SLC14A2: variants seen among roughly 807,000 people sequenced by gnomAD.
The protein encoded by SLC14A2 is urea transporter 2.
SLC14A2 carries 91 observed loss-of-function variants against 104.6 expected under a neutral mutation model. That is an observed-to-expected ratio of 0.87 (90% CI 0.73 to 1.04). The LOEUF is 1.04. Ranked by LOEUF, SLC14A2 falls within the 50% of genes least tolerant of loss-of-function variation. SLC14A2 has a pLI of 0.00. For synonymous variants in SLC14A2, 476 were observed against 466.4 expected, an observed-to-expected ratio of 1.02 and a Z score of -0.27; for missense variants, 1,189 against 1,156.0, an observed-to-expected ratio of 1.03 and a Z score of -0.41.
chr18:45,624,842 C>A, intron 2 of SLC14A2, 28 bp downstream of exon 2: 1 of 1,577,100 alleles, frequency 6.3e-7, no homozygotes, highest in East Asian at 2.3e-5. Context: ...TAGGATGTTT[C>A]CTGGGAGGGA....
chr18:45,568,887 A>G (rs1358304715), intron 2 of SLC14A2, among the ~76,000 whole-genome samples: 5 of 152,234 alleles, frequency 3.3e-5, no homozygotes, highest in African/African-American at 1.2e-4. Flanking sequence ...ATACAGGGCT[A>G]TGGATAGTTA....
chr18:45,264,139 G>T lies in SLC14A2; in HGVS notation c.-125+50948G>T, dbSNP rs377271195. Among the ~76,000 whole-genome samples the T allele has an allele frequency of 8.5e-5, 13 of 152,138 alleles. No homozygotes were observed. The East Asian group carries it at 2.3e-3, about 27-fold the overall frequency. On this transcript the variant is annotated intron_variant, in intron 1 of 20. Transcript: ENST00000586448. ...AATGTGTCAGATCCATCTATCTTCT[G>T]TCTAACTATCAGATATCAGTTCATA...
At chr18:45,619,157 T>C (rs2045123798) in intron 1 of SLC14A2, among the ~76,000 whole-genome samples, 1 of 152,178 alleles carries the variant, frequency 6.6e-6, no homozygotes, top group Non-Finnish European at 1.5e-5. Flanking sequence ...GCCCAAACCA[T>C]GTATTTTCTC....
At chr18:45,207,507 G>A in the SLC14A2 span, among the ~76,000 whole-genome samples, 3 of 152,204 alleles carry the variant, frequency 2.0e-5, no homozygotes, top group East Asian at 5.8e-4. Flanking sequence ...ACCTAATAAT[G>A]TGTGTGCATA....
intron 2 of SLC14A2, among the ~76,000 whole-genome samples, chr18:45,607,307 C>T (rs7227821): frequency 0.68 from 103,414 of 151,998 alleles, 35,696 homozygotes; most frequent in East Asian, 0.85. Context: ...TCCTGCAAAA[C>T]TGTGAAACCA....
intron 1 of SLC14A2, among the ~76,000 whole-genome samples, chr18:45,291,005 C>A (rs563474413): frequency 6.6e-6 from 1 of 152,088 alleles, no homozygotes; most frequent in Non-Finnish European, 1.5e-5. Flanking sequence ...TGGTTCCCAG[C>A]GTCATCAATA....
the SLC14A2 span, among the ~76,000 whole-genome samples, chr18:45,192,672 T>G: frequency 2.6e-5 from 2 of 76,448 alleles, no homozygotes; most frequent in South Asian, 4.2e-4. Context: ...GTTTTGTTTT[T>G]TTGAGATGGA....
chr18:45,312,349 A>G (rs991850580), intron 1 of SLC14A2, among the ~76,000 whole-genome samples: 8 of 152,000 alleles, frequency 5.3e-5, no homozygotes, highest in African/African-American at 1.5e-4. Flanking sequence ...ATGTGGCAAG[A>G]TCTCTGATCC....
intron 1 of SLC14A2, among the ~76,000 whole-genome samples, chr18:45,352,579 C>T (rs1174669580): frequency 6.6e-6 from 1 of 152,156 alleles, no homozygotes; most frequent in East Asian, 1.9e-4. Context: ...CAGATTTGAT[C>T]CTTGCCCCTG....
chr18:45,194,874 G>A, the SLC14A2 span, among the ~76,000 whole-genome samples: 18 of 152,036 alleles, frequency 1.2e-4, no homozygotes, highest in South Asian at 4.2e-4. Flanking sequence ...TCAATCTCCC[G>A]ACCTCGTGAT....
chr18:45,186,361 A>T, the SLC14A2 span, among the ~76,000 whole-genome samples: 1 of 152,204 alleles, frequency 6.6e-6, no homozygotes, highest in Admixed American at 6.5e-5. Context: ...ATGGGAAAGG[A>T]TTGGCTTTTT....
chr18:45,515,192 T>C (rs750684968), intron 2 of SLC14A2, among the ~76,000 whole-genome samples: 2 of 152,224 alleles, frequency 1.3e-5, no homozygotes, highest in Non-Finnish European at 2.9e-5. Context: ...TGATTAAAAA[T>C]GGAAGACTTC....
At chr18:45,511,134 A>G (rs1420657955) in intron 2 of SLC14A2, among the ~76,000 whole-genome samples, 2 of 151,722 alleles carry the variant, frequency 1.3e-5, no homozygotes, top group Non-Finnish European at 2.9e-5. Context: ...TGCAAGGGGC[A>G]TTATCTGGCC....
intron 1 of SLC14A2, among the ~76,000 whole-genome samples, chr18:45,213,771 G>T (rs548788582): frequency 1.1e-4 from 17 of 152,152 alleles, no homozygotes; most frequent in Non-Finnish European, 2.4e-4. Context: ...TCAAATTAAT[G>T]ATCCTGTTCA....
intron 2 of SLC14A2, among the ~76,000 whole-genome samples, chr18:45,532,721 C>A (rs566005208): frequency 1.3e-5 from 2 of 152,232 alleles, no homozygotes; most frequent in African/African-American, 4.8e-5. Context: ...CTGGCCAGAA[C>A]TTCCAACACT....
chr18:45,461,032 A>C (rs1025509625), intron 1 of SLC14A2, among the ~76,000 whole-genome samples: 4 of 152,102 alleles, frequency 2.6e-5, no homozygotes, highest in Admixed American at 1.3e-4. Flanking sequence ...CCACTCCCTC[A>C]CAAAGGCCAT....
At chr18:45,325,919 G>T (rs966620947) in intron 1 of SLC14A2, among the ~76,000 whole-genome samples, 2 of 152,108 alleles carry the variant, frequency 1.3e-5, no homozygotes, top group African/African-American at 4.8e-5. Flanking sequence ...TGAAGTCCAG[G>T]CATAAATACT....
chr18:45,543,715 AAGG>A (rs1320484619), intron 2 of SLC14A2, among the ~76,000 whole-genome samples: 2 of 152,206 alleles, frequency 1.3e-5, no homozygotes, highest in African/African-American at 4.8e-5. Flanking sequence ...TACAGAAAAA[AAGG>A]AAACATGGCA....
At chr18:45,288,390 C>A (rs911090098) in intron 1 of SLC14A2, among the ~76,000 whole-genome samples, 5 of 152,226 alleles carry the variant, frequency 3.3e-5, no homozygotes, top group Non-Finnish European at 7.3e-5. Flanking sequence ...CCACACTGCA[C>A]CCTCAGTGGG....
Sources: gnomAD v4.1 joint callset for allele counts (sites outside exome capture counted in the v4.1 genomes callset) on GRCh38, gnomAD v4.1.1 for gene constraint, MANE v1.5 for transcripts, NCBI Gene and HGNC (gene_info 2026-07-23, HGNC 2026-07-21) for gene names.